SH3RF1: variants seen among roughly 807,000 people sequenced by gnomAD.
The protein encoded by SH3RF1 is E3 ubiquitin-protein ligase SH3RF1.
In SH3RF1, 32 loss-of-function variants were observed where a neutral mutation model predicts 74.0. That is an observed-to-expected ratio of 0.43 (90% CI 0.33 to 0.58). The LOEUF (loss-of-function observed/expected upper bound fraction) is 0.58, where lower values mean the gene tolerates loss of function less well. Ranked by LOEUF, SH3RF1 falls within the 20% of genes least tolerant of loss-of-function variation. The pLI is 0.05. For synonymous variants in SH3RF1, 396 were observed against 439.6 expected, an observed-to-expected ratio of 0.90 and a Z score of 1.24; for missense variants, 954 against 1,130.9, an observed-to-expected ratio of 0.84 and a Z score of 2.24.
At chr4:169,199,848 C>T (rs1459131151) in intron 2 of SH3RF1, among the ~76,000 whole-genome samples, 1 of 152,092 alleles carries the variant, frequency 6.6e-6, no homozygotes, top group Non-Finnish European at 1.5e-5. Context: ...GCAAGCACGA[C>T]ACATGTAAAT....
chr4:169,251,315 T>C (rs867194720), intron 2 of SH3RF1, among the ~76,000 whole-genome samples: 26 of 152,196 alleles, frequency 1.7e-4, no homozygotes, highest in African/African-American at 5.8e-4. Flanking sequence ...CGTAAAGTCA[T>C]GTATACACGC....
intron 2 of SH3RF1, among the ~76,000 whole-genome samples, chr4:169,252,058 C>T (rs549928017): frequency 6.6e-6 from 1 of 152,272 alleles, no homozygotes; most frequent in South Asian, 2.1e-4. Context: ...TGTTCCGCAG[C>T]GACTCAAGAA....
chr4:169,136,819 T>A (rs1733711295), intron 4 of SH3RF1, among the ~76,000 whole-genome samples, 199 bp from the exon 5 acceptor site: 1 of 152,226 alleles, frequency 6.6e-6, no homozygotes, highest in South Asian at 2.1e-4. Context: ...CAGGTAGATA[T>A]TAAATCAAGA....
intron 2 of SH3RF1, among the ~76,000 whole-genome samples, chr4:169,181,107 C>T (rs1343944084): frequency 5.9e-5 from 9 of 152,116 alleles, no homozygotes; most frequent in African/African-American, 2.2e-4. Context: ...CTTAGACATA[C>T]TATACAGTGA....
chr4:169,261,025 A>C (rs1731269691), intron 2 of SH3RF1, among the ~76,000 whole-genome samples: 1 of 152,174 alleles, frequency 6.6e-6, no homozygotes, highest in South Asian at 2.1e-4. Flanking sequence ...GTGAGTGTGT[A>C]CTCTGTGCCA....
At chr4:169,121,312 C>A (rs556578844) in intron 7 of SH3RF1, among the ~76,000 whole-genome samples, 1 of 152,296 alleles carries the variant, frequency 6.6e-6, no homozygotes, top group South Asian at 2.1e-4. Flanking sequence ...AGATTATGTA[C>A]CCACTGGGAA....
intron 2 of SH3RF1, among the ~76,000 whole-genome samples, chr4:169,172,601 G>C (rs933293880): frequency 6.6e-6 from 1 of 152,088 alleles, no homozygotes; most frequent in Non-Finnish European, 1.5e-5. Context: ...GATGTGTATG[G>C]GGCTAAGTTG....
chr4:169,167,505 G>A (rs1362632091), intron 2 of SH3RF1, among the ~76,000 whole-genome samples: 1 of 152,046 alleles, frequency 6.6e-6, no homozygotes, highest in Non-Finnish European at 1.5e-5. Context: ...GCACATCACA[G>A]CACTATTTAT....
At chr4:169,104,187 A>G (rs925056886) in intron 11 of SH3RF1, among the ~76,000 whole-genome samples, 1 of 152,160 alleles carries the variant, frequency 6.6e-6, no homozygotes, top group Non-Finnish European at 1.5e-5. Flanking sequence ...GCCTAGGGAG[A>G]GTCTGGGCAA....
chr4:169,149,863 G>A (rs1465625944), intron 4 of SH3RF1, among the ~76,000 whole-genome samples: 1 of 152,114 alleles, frequency 6.6e-6, no homozygotes, highest in Admixed American at 6.6e-5. Flanking sequence ...TTCTCAAGAG[G>A]AAAGGCTTTT....
chr4:169,261,996 CTA>C (rs990340872), intron 2 of SH3RF1, among the ~76,000 whole-genome samples: 7 of 151,826 alleles, frequency 4.6e-5, no homozygotes, highest in Non-Finnish European at 8.8e-5. Context: ...AAGAAAAATT[CTA>C]TGAGTAAAAA....
At chr4:169,261,098 T>A (rs1731270398) in intron 2 of SH3RF1, among the ~76,000 whole-genome samples, 1 of 152,110 alleles carries the variant, frequency 6.6e-6, no homozygotes. Flanking sequence ...ACCAGCCCCA[T>A]TCCCACAACC....
intron 8 of SH3RF1, among the ~76,000 whole-genome samples, chr4:169,118,309 C>T (rs969661958): frequency 6.6e-4 from 101 of 152,354 alleles, no homozygotes; most frequent in African/African-American, 2.3e-3. Context: ...CCAGCATGAA[C>T]ACTGTCAGTT....
At chr4:169,134,124 A>G (rs1733660481) in intron 5 of SH3RF1, among the ~76,000 whole-genome samples, 1 of 152,144 alleles carries the variant, frequency 6.6e-6, no homozygotes, top group South Asian at 2.1e-4. Flanking sequence ...ACCAGGCAGC[A>G]CTTCAAACAC....
rs139165329 is a variant in SH3RF1, at chr4:169,158,981, C to T, written c.394-2302G>A. Among the ~76,000 whole-genome samples the T allele has an allele frequency of 1.9e-4, 29 of 152,240 alleles. 1 individual carries two copies. Among genetic ancestry groups the T allele is most frequent in the African/African-American group, 6.5e-4 (27 of 41,556 alleles). On this transcript the variant is annotated intron_variant, in intron 2 of 11. Coordinates refer to ENST00000284637, the MANE Select transcript of SH3RF1 (RefSeq NM_020870.4). ...GTTGTAGTTGGTTAATTAGAACTTC[C>T]CTGAGAGGCCAATGTCCTGGGAAGA...
intron 10 of SH3RF1, among the ~76,000 whole-genome samples, chr4:169,112,180 A>T (rs893579542): frequency 6.6e-6 from 1 of 152,216 alleles, no homozygotes; most frequent in Admixed American, 6.5e-5. Flanking sequence ...ACGAGGAAAG[A>T]TAGAAATAAT....
intron 2 of SH3RF1, among the ~76,000 whole-genome samples, chr4:169,160,236 T>C (rs1734129652): frequency 6.6e-6 from 1 of 152,196 alleles, no homozygotes; most frequent in Non-Finnish European, 1.5e-5. Context: ...AAGAGATCTG[T>C]AAAATTCCAA....
chr4:169,151,708 A>G (rs1358368084), intron 4 of SH3RF1, among the ~76,000 whole-genome samples: 3 of 152,246 alleles, frequency 2.0e-5, no homozygotes, highest in East Asian at 3.8e-4. Context: ...CCTTCTGCAC[A>G]TTACCTTTTA....
At chr4:169,192,617 C>A (rs1226534856) in intron 2 of SH3RF1, among the ~76,000 whole-genome samples, 1 of 151,978 alleles carries the variant, frequency 6.6e-6, no homozygotes, top group Non-Finnish European at 1.5e-5. Flanking sequence ...ACCATTTGAT[C>A]CAGCAATCCC....
Sources: allele counts gnomAD v4.1 joint callset (sites outside exome capture counted in the v4.1 genomes callset), GRCh38; gene constraint gnomAD v4.1.1; transcripts MANE v1.5; gene names NCBI Gene and HGNC (gene_info 2026-07-23, HGNC 2026-07-21).